The following CSNK2A1 variants were observed in gnomAD, a reference collection of about 807,000 sequenced individuals.
The protein encoded by CSNK2A1 is casein kinase 2 alpha 1.
CSNK2A1 carries 10 observed loss-of-function variants against 62.9 expected under a neutral mutation model. That is an observed-to-expected ratio of 0.16 (90% CI 0.10 to 0.27). The LOEUF (loss-of-function observed/expected upper bound fraction) is 0.27, where lower values mean the gene tolerates loss of function less well. Among genes scored for constraint, CSNK2A1 ranks in the 10% least tolerant of loss-of-function variants. CSNK2A1 has a pLI of 1.00. For missense variants in CSNK2A1, 160 were observed against 492.0 expected, an observed-to-expected ratio of 0.33 and a Z score of 6.38; for synonymous variants, 124 against 167.8, an observed-to-expected ratio of 0.74 and a Z score of 2.02.
At chr20:519,327 C>G (rs2018895435) in intron 2 of CSNK2A1, among the ~76,000 whole-genome samples, 1 of 152,196 alleles carries the variant, frequency 6.6e-6, no homozygotes, top group Non-Finnish European at 1.5e-5. Context: ...CAGAAGCAAT[C>G]AGACACAATC....
At chr20:521,632 T>C (rs1031412807) in intron 2 of CSNK2A1, among the ~76,000 whole-genome samples, 8 of 152,188 alleles carry the variant, frequency 5.3e-5, no homozygotes, top group Non-Finnish European at 1.0e-4. Flanking sequence ...TTATTCATAA[T>C]TGTGAAAAAA....
intron 2 of CSNK2A1, among the ~76,000 whole-genome samples, chr20:518,848 C>T (rs1006666873): frequency 6.6e-6 from 1 of 151,636 alleles, no homozygotes; most frequent in African/African-American, 2.4e-5. Flanking sequence ...AGCCACCGCA[C>T]CCAGCCAATT....
intron 2 of CSNK2A1, among the ~76,000 whole-genome samples, chr20:514,159 C>T (rs1165491399): frequency 2.6e-5 from 4 of 151,912 alleles, no homozygotes; most frequent in Admixed American, 6.6e-5. Context: ...CCCTGGGCAA[C>T]ACAGCGAGAC....
intron 4 of CSNK2A1, 148 bp downstream of exon 4, chr20:504,970 T>A (rs2018544868): frequency 4.7e-6 from 3 of 643,198 alleles, no homozygotes; most frequent in African/African-American, 1.9e-5. Context: ...TAAGCAGAAC[T>A]TGTTCTATTG....
intron 1 of CSNK2A1, among the ~76,000 whole-genome samples, chr20:533,092 T>C (rs1433005780): frequency 1.3e-5 from 2 of 152,220 alleles, no homozygotes; most frequent in Admixed American, 6.5e-5. Context: ...GTAGTGTTTT[T>C]GTTTTTTCAA....
At chr20:506,336 T>C (rs1253798357) in intron 3 of CSNK2A1, 1 of 152,230 alleles carries the variant, frequency 6.6e-6, no homozygotes, top group Non-Finnish European at 1.5e-5. Flanking sequence ...TTCAAATGTA[T>C]AGGCTTAATC....
chr20:504,305 G>A (rs1308252301), intron 4 of CSNK2A1: 1 of 152,198 alleles, frequency 6.6e-6, no homozygotes, highest in Non-Finnish European at 1.5e-5. Context: ...GACAGTATAA[G>A]TGTTATAAAT....
intron 1 of CSNK2A1, among the ~76,000 whole-genome samples, chr20:534,831 C>T (rs893837393): frequency 1.3e-5 from 2 of 150,506 alleles, no homozygotes; most frequent in Admixed American, 6.6e-5. Context: ...GTGTTAGAGA[C>T]CAGCCTGGGA....
At chr20:538,809 AG>A (rs2019387890) in intron 1 of CSNK2A1, among the ~76,000 whole-genome samples, 1 of 152,242 alleles carries the variant, frequency 6.6e-6, no homozygotes, top group Non-Finnish European at 1.5e-5. Flanking sequence ...AGGCTGTCAT[AG>A]AAACCCATTA....
At position 478,045 on chromosome 20, in the gene CSNK2A1, T is replaced by C. The variant is rs563072404; in HGVS notation, c.*5916A>G. On this transcript the variant is annotated 3_prime_UTR_variant, in exon 14 of 14. Transcript: ENST00000217244. ...TTTTTTTTTAAAACAGTTGGAATTA[T>C]CCCATATACACAATTTTTTCACTTT... 2 of 152,170 alleles carry C rather than the reference T, an allele frequency of 1.3e-5. No homozygotes were observed. Among genetic ancestry groups the C allele is most frequent in the African/African-American group, 4.8e-5 (2 of 41,468 alleles). 9.4% of individuals were successfully genotyped at this position (152,170 alleles called of 1,614,324 possible). A position where few individuals can be genotyped will look rare whatever the true frequency, so the allele number is the denominator to read the frequency against.
At chr20:505,323 A>G in intron 3 of CSNK2A1, 94 bp from the exon 4 acceptor site, 2 of 856,224 alleles carry the variant, frequency 2.3e-6, no homozygotes, top group Non-Finnish European at 3.6e-6. Context: ...AATAGAAATA[A>G]GAAGTATTTC....
chr20:492,142 AAT>A (rs1232608786), intron 9 of CSNK2A1, 110 bp downstream of exon 9: 1 of 734,930 alleles, frequency 1.4e-6, no homozygotes, highest in African/African-American at 1.8e-5. Context: ...GACAGCTGTG[AAT>A]GTGCATTAAG....
intron 1 of CSNK2A1, among the ~76,000 whole-genome samples, chr20:541,736 T>A (rs994321581): frequency 6.6e-6 from 1 of 152,196 alleles, no homozygotes; most frequent in African/African-American, 2.4e-5. Flanking sequence ...AAGGAGTACA[T>A]AACTAGGCTT....
chr20:501,068 C>G (rs74883124), intron 4 of CSNK2A1: 2 of 148,280 alleles, frequency 1.3e-5, no homozygotes, highest in Non-Finnish European at 3.0e-5. Context: ...CTTTATAAAG[C>G]CTTTTTTTTT....
chr20:537,693 A>G (rs2019364001), intron 1 of CSNK2A1, among the ~76,000 whole-genome samples: 1 of 152,232 alleles, frequency 6.6e-6, no homozygotes, highest in South Asian at 2.1e-4. Context: ...GAAATTATCC[A>G]TTTCAGAAGT....
chr20:499,945 A>G lies in CSNK2A1; in HGVS notation c.214-11T>C. ...CTTCTTTTTTACTGGCTGAAAGGGG[A>G]AAAGTACATCAGCAAAAAAAAAAAA... On this transcript the variant is annotated splice_polypyrimidine_tract_variant and intron_variant, in intron 4 of 13. Transcript: ENST00000217244. The surrounding 1 kb of genome is among the most constrained non-coding windows in gnomAD (Gnocchi z 4.2). 6.3e-7 allele frequency: 1 copy of G among 1,592,556 alleles called. No homozygotes were observed. The highest frequency in any genetic ancestry group is 8.6e-7 in the Non-Finnish European group (1 of 1,167,758).
chr20:504,894 G>A, intron 4 of CSNK2A1: 1 of 471,114 alleles, frequency 2.1e-6, no homozygotes, highest in Non-Finnish European at 3.7e-6. Context: ...CCCTTACTCT[G>A]CCACAACCTA....
chr20:487,123 G>A (rs2122505400), intron 12 of CSNK2A1: 1 of 359,336 alleles, frequency 2.8e-6, no homozygotes, highest in South Asian at 5.3e-5. Context: ...TGATTACTAG[G>A]GACAGGAAAG....
At chr20:506,018 G>C (rs763577293) in intron 3 of CSNK2A1, 2 of 151,884 alleles carry the variant, frequency 1.3e-5, no homozygotes, top group Admixed American at 6.6e-5. Flanking sequence ...TGGGACTACA[G>C]GCGCCCACCA....
Sources: gnomAD v4.1 joint callset for allele counts (sites outside exome capture counted in the v4.1 genomes callset) on GRCh38, gnomAD v4.1.1 for gene constraint, Gnocchi (gnomAD v3.1) non-coding constraint, MANE v1.5 for transcripts, NCBI Gene and HGNC (gene_info 2026-07-23, HGNC 2026-07-21) for gene names.